TMEM19: variants seen among roughly 807,000 people sequenced by gnomAD.
TMEM19 encodes the protein transmembrane protein 19.
A neutral mutation model predicts 33.6 loss-of-function variants in TMEM19; 21 were observed. The observed-to-expected ratio is 0.62, with a 90% CI of 0.44 to 0.90. TMEM19 has a LOEUF of 0.90. TMEM19 is among the 40% of genes least tolerant of loss of function. The pLI, the probability that TMEM19 is intolerant of heterozygous loss-of-function variation, is 0.00. For missense variants in TMEM19, 402 were observed against 401.8 expected, an observed-to-expected ratio of 1.00 and a Z score of 0.00; for synonymous variants, 149 against 147.5, an observed-to-expected ratio of 1.01 and a Z score of -0.07.
intron 1 of TMEM19, among the ~76,000 whole-genome samples, chr12:71,688,764 T>A (rs1430101036): frequency 6.6e-6 from 1 of 152,230 alleles, no homozygotes; most frequent in Admixed American, 6.5e-5. Context: ...GATTTTTATA[T>A]GATATCTCCT....
In TMEM19 at chr12:71,701,154, C is replaced by A; in HGVS notation, c.*159C>A. The A allele has an allele frequency of 1.6e-6, 1 of 625,430 alleles. No individual in the cohort carries two copies. Among genetic ancestry groups the A allele is most frequent in the Non-Finnish European group, 2.6e-6 (1 of 390,328 alleles). The allele number at this position is 625,430 out of a possible 1,614,324, so 38.7% of individuals were successfully genotyped here. Reference sequence around the variant, plus strand: ...TTCACATTTTCCTCTCATCAACTCCCCTGTAATAGCTAGCGTCTTTCTAGT... The same window carrying A: ...TTCACATTTTCCTCTCATCAACTCCACTGTAATAGCTAGCGTCTTTCTAGT... On this transcript the variant is annotated 3_prime_UTR_variant, in exon 6 of 6. Coordinates refer to ENST00000266673, the MANE Select transcript of TMEM19 (RefSeq NM_018279.4).
chr12:71,700,806 C>A, intron 5 of TMEM19, 26 bp from the exon 6 acceptor site: 1 of 1,502,454 alleles, frequency 6.7e-7, no homozygotes, highest in Non-Finnish European at 8.9e-7. Flanking sequence ...GGTTTTCTAT[C>A]TCACTTGCTT....
In TMEM19 at chr12:71,689,680, C is replaced by T. The variant is rs933171598; in HGVS notation, c.220C>T (p.Leu74=). Residue 74 remains leucine (L), a synonymous_variant, in exon 2 of 6, where the codon CTA becomes TTA. Transcript: ENST00000266673. ...IVSNGLKKKS[L]DHSGALGGLV... ...CTCTAATGGCCTTAAAAAGAAAAGT[C>T]TAGATCACAGTGGGGCTCTAGGAGG... 1 of 1,613,934 alleles carries T rather than the reference C, an allele frequency of 6.2e-7. No homozygotes were observed. Among genetic ancestry groups the T allele is most frequent in the Non-Finnish European group, 8.5e-7 (1 of 1,179,900 alleles).
chr12:71,700,961 C>T lies in TMEM19; in HGVS notation c.977C>T (p.Pro326Leu). ...FSSVLIALLL[P>L]TAAWGFWPRG ...TCTGTTCTTATTGCCCTCTTGCTCCCAACTGCTGCTTGGGGTTTTTGGCCC... is the reference window on the plus strand; with the variant it reads ...TCTGTTCTTATTGCCCTCTTGCTCCTAACTGCTGCTTGGGGTTTTTGGCCC... The change falls in exon 6 of 6, where the codon CCA becomes CTA. Residue 326 changes from proline to leucine, a missense_variant. Physicochemically the swap from Pro to Leu is moderately conservative, Grantham distance 98. Transcript: ENST00000266673. 1 of 1,612,316 alleles carries T rather than the reference C, an allele frequency of 6.2e-7. No individual in the cohort carries two copies. The highest frequency in any genetic ancestry group is 8.5e-7 in the Non-Finnish European group (1 of 1,179,290).
intron 2 of TMEM19, among the ~76,000 whole-genome samples, chr12:71,693,755 A>T (rs1035037461): frequency 6.6e-6 from 1 of 152,192 alleles, no homozygotes; most frequent in Non-Finnish European, 1.5e-5. Flanking sequence ...TAATTGAATC[A>T]TGGGACAGGT....
chr12:71,698,584 T>C (rs1321567108), intron 4 of TMEM19, among the ~76,000 whole-genome samples: 2 of 132,080 alleles, frequency 1.5e-5, no homozygotes, highest in African/African-American at 5.9e-5. Context: ...GCCTGGTTGA[T>C]AGAGCAAAAC....
chr12:71,696,653 G>GTT (rs57220346), intron 3 of TMEM19, 80 bp downstream of exon 3: 1,926 of 1,058,156 alleles, frequency 1.8e-3, no homozygotes, highest in African/African-American at 4.3e-3. Flanking sequence ...TTTTGTTTTT[G>GTT]TTTTTTTTTT....
chr12:71,699,267 A>C, intron 5 of TMEM19, 158 bp downstream of exon 5: 2 of 701,522 alleles, frequency 2.9e-6, no homozygotes, highest in South Asian at 3.8e-5. Flanking sequence ...TGGTTTTCTT[A>C]TTCTTTTGTA....
intron 4 of TMEM19, 120 bp from the exon 5 acceptor site, chr12:71,698,780 A>G: frequency 1.2e-6 from 1 of 828,752 alleles, no homozygotes; most frequent in Admixed American, 2.5e-5. Flanking sequence ...CAGTCTTTAG[A>G]TTGCATTAAA....
intron 3 of TMEM19, 48 bp downstream of exon 3, chr12:71,696,621 C>G: frequency 6.8e-7 from 1 of 1,462,942 alleles, no homozygotes; most frequent in Non-Finnish European, 9.2e-7. Context: ...TCATTTAATC[C>G]TAACATAAGG....
intron 1 of TMEM19, among the ~76,000 whole-genome samples, chr12:71,689,060 A>T (rs1251848343): frequency 6.6e-6 from 1 of 152,214 alleles, no homozygotes; most frequent in East Asian, 1.9e-4. Flanking sequence ...ACTTGGACAT[A>T]ACCTATTTGG....
At position 71,686,657 on chromosome 12, in the gene TMEM19, C is replaced by G. The variant is rs1308320824; in HGVS notation, c.-24C>G. 3 of 1,608,646 alleles carry G rather than the reference C, an allele frequency of 1.9e-6. No homozygotes were observed. Among genetic ancestry groups the G allele is most frequent in the Admixed American group, 1.7e-5 (1 of 59,380 alleles). On this transcript the variant is annotated 5_prime_UTR_variant, in exon 1 of 6. Transcript: ENST00000266673. ...CCGAAACGCTAAATATTCTTTCCCG[C>G]AGGAGCTCATATCCTTATTTTCCAT...
At position 71,698,486 on chromosome 12, in the gene TMEM19, C is replaced by T. The variant is rs186841893; in HGVS notation, c.638-414C>T. ...TGGCAAGGTGGCTCATGCCTGTCAT[C>T]CCAACTACTAGAGAGGCTGAGATGG... On this transcript the variant is annotated intron_variant, in intron 4 of 5. Transcript: ENST00000266673. 2.0e-5 allele frequency among the ~76,000 whole-genome samples: 3 copies of T among 152,258 alleles called. No individual in the cohort carries two copies. In the East Asian group the frequency reaches 5.8e-4, roughly 29 times the overall value.
chr12:71,689,571 C>G lies in TMEM19; in HGVS notation c.131-20C>G. 1 of 1,599,502 alleles carries G rather than the reference C, an allele frequency of 6.3e-7. No individual in the cohort carries two copies. ...GTGCAAACTTCACACAATTTGTGCT[C>G]CACCTTTATAATTTTTCAGGTAACT... On this transcript the variant is annotated intron_variant, in intron 1 of 5. Transcript: ENST00000266673.
rs1422461509 is a variant in TMEM19, at chr12:71,704,973, T to C, written c.*3978T>C. 34 of 152,242 alleles carry C rather than the reference T, an allele frequency of 2.2e-4. No homozygotes were observed. 9.4% of individuals were successfully genotyped at this position (152,242 alleles called of 1,614,324 possible). On this transcript the variant is annotated 3_prime_UTR_variant, in exon 6 of 6. Transcript: ENST00000266673. ...GAATTAAGTTGTTTGACTCTAATCA[T>C]TGTTTCTTTTAAGAATGACTGGAAG...
At chr12:71,698,798 C>T in intron 4 of TMEM19, 102 bp from the exon 5 acceptor site, 1 of 1,004,378 alleles carries the variant, frequency 1.0e-6, no homozygotes, top group Non-Finnish European at 1.5e-6. Context: ...AAAGAGAATG[C>T]TTTCTTTAAA....
intron 2 of TMEM19, among the ~76,000 whole-genome samples, chr12:71,691,157 TTCTTCAAAA>T (rs1881778868): frequency 6.6e-6 from 1 of 152,152 alleles, no homozygotes. Context: ...TTAGGCAGAG[TTCTTCAAAA>T]TCATGCCAAT....
chr12:71,691,742 G>GA lies in TMEM19; in HGVS notation c.244+2051dup, dbSNP rs532665169. Among the ~76,000 whole-genome samples, 790 of 110,066 alleles carry GA rather than the reference G, an allele frequency of 7.2e-3. 2 individuals carry two copies. Among genetic ancestry groups the GA allele is most frequent in the African/African-American group, 0.023 (689 of 29,698 alleles). The allele number at this position is 110,066 out of a possible 152,430, so 72.2% of individuals were successfully genotyped here. On this transcript the variant is annotated intron_variant, in intron 2 of 5. Transcript: ENST00000266673. ...ACAGAGTGATACCCTGTGTCAAAAA[G>GA]AAAAAAAAAAAAAGCTCTTAGATAT...
rs757275716 is a variant in TMEM19, at chr12:71,686,774, T to C, written c.94T>C (p.Phe32Leu). The change falls in exon 1 of 6, where the codon TTC (phenylalanine) becomes CTC (leucine). Residue 32 changes from phenylalanine to leucine, a missense_variant. Transcript: ENST00000266673. ...LSLIICISLA[F>L]WIISMTASTY... ...CCTGATCATTTGCATTTCGTTAGCT[T>C]TCTGGATTATATCAATGACTGCAAG... The C allele has an allele frequency of 3.2e-5, 52 of 1,612,700 alleles. No homozygotes were observed. The East Asian group carries it at 1.1e-3, about 35-fold the overall frequency.
Sources: gnomAD v4.1 joint callset for allele counts (sites outside exome capture counted in the v4.1 genomes callset) on GRCh38, gnomAD v4.1.1 for gene constraint, MANE v1.5 for transcripts, NCBI Gene and HGNC (gene_info 2026-07-23, HGNC 2026-07-21) for gene names.